FHOD3: variants seen among roughly 807,000 people sequenced by gnomAD.
FHOD3 encodes formin homology 2 domain containing 3.
FHOD3 carries 90 observed loss-of-function variants against 173.0 expected under a neutral mutation model. That is an observed-to-expected ratio of 0.52 (90% confidence interval 0.44 to 0.62). The LOEUF is 0.62. Ranked by LOEUF, FHOD3 falls within the 20% of genes least tolerant of loss-of-function variation. The pLI is 0.00. For synonymous variants in FHOD3, 828 were observed against 823.0 expected, an observed-to-expected ratio of 1.01 and a Z score of -0.10; for missense variants, 1,945 against 2,034.7, an observed-to-expected ratio of 0.96 and a Z score of 0.85.
chr18:36,487,833 C>A (rs985073661), intron 3 of FHOD3, among the ~76,000 whole-genome samples: 15 of 152,174 alleles, frequency 9.9e-5, no homozygotes, highest in Non-Finnish European at 1.5e-5. Context: ...CCAGAGGACA[C>A]ACAGCCTGGA....
At chr18:36,672,650 T>G (rs1007173838) in intron 14 of FHOD3, among the ~76,000 whole-genome samples, 1 of 152,220 alleles carries the variant, frequency 6.6e-6, no homozygotes, top group Admixed American at 6.5e-5. Context: ...CAATCACACG[T>G]TCAGCCTAGA....
chr18:36,528,548 A>C (rs1266970279), intron 5 of FHOD3, among the ~76,000 whole-genome samples: 1 of 152,184 alleles, frequency 6.6e-6, no homozygotes, highest in Non-Finnish European at 1.5e-5. Context: ...TCAAGGTGAC[A>C]ACCTGGATAC....
rs945262195 is a variant in FHOD3, at chr18:36,642,612, A to T, written c.1197-6704A>T. Among the ~76,000 whole-genome samples, 6 of 151,252 alleles carry T rather than the reference A, an allele frequency of 4.0e-5. No individual in the cohort carries two copies. The East Asian group carries it at 9.7e-4, about 24-fold the overall frequency. On this transcript the variant is annotated intron_variant, in intron 10 of 28. Transcript: ENST00000590592. ...AAAAAAAAAAAAAAAAAAAAAAATTAAAAAAATCCTAATTGTACAGAGTTG... is the reference window on the plus strand; with the variant it reads ...AAAAAAAAAAAAAAAAAAAAAAATTTAAAAAATCCTAATTGTACAGAGTTG...
At chr18:36,713,825 A>G (rs2040304381) in intron 18 of FHOD3, among the ~76,000 whole-genome samples, 1 of 152,208 alleles carries the variant, frequency 6.6e-6, no homozygotes, top group Admixed American at 6.5e-5. Flanking sequence ...AGTAACCCAT[A>G]GAAGACAAAG....
At chr18:36,524,164 C>G (rs991968733) in intron 5 of FHOD3, among the ~76,000 whole-genome samples, 3 of 151,750 alleles carry the variant, frequency 2.0e-5, no homozygotes, top group Non-Finnish European at 4.4e-5. Flanking sequence ...TGCCTATAAT[C>G]CCAGTTTCTC....
intron 3 of FHOD3, among the ~76,000 whole-genome samples, chr18:36,451,720 T>G (rs944436491): frequency 6.6e-6 from 1 of 152,116 alleles, no homozygotes; most frequent in Non-Finnish European, 1.5e-5. Flanking sequence ...TCATGCAGGA[T>G]GAAATCAGCT....
At chr18:36,512,378 G>A in intron 4 of FHOD3, 60 bp from the exon 5 acceptor site, 1 of 1,274,032 alleles carries the variant, frequency 7.8e-7, no homozygotes, top group South Asian at 1.2e-5. Flanking sequence ...TAGCAGCACA[G>A]CTGGGATGGA....
intron 3 of FHOD3, among the ~76,000 whole-genome samples, chr18:36,483,422 C>T (rs921060918): frequency 6.6e-6 from 1 of 152,196 alleles, no homozygotes; most frequent in Admixed American, 6.5e-5. Context: ...AGAAGTGGTA[C>T]TAAGATCCCA....
At chr18:36,629,774 G>A (rs138931475) in intron 10 of FHOD3, among the ~76,000 whole-genome samples, 109 of 151,990 alleles carry the variant, frequency 7.2e-4, no homozygotes, top group African/African-American at 2.6e-3. Flanking sequence ...GAGAGGGAGG[G>A]GACTATGTGA....
intron 14 of FHOD3, among the ~76,000 whole-genome samples, chr18:36,661,411 T>A (rs746260370): frequency 1.3e-5 from 2 of 152,178 alleles, no homozygotes; most frequent in African/African-American, 4.8e-5. Flanking sequence ...ACATATATTA[T>A]TAAAACCAAA....
At chr18:36,718,799 T>G (rs1450291813) in intron 19 of FHOD3, 84 bp downstream of exon 19, 1 of 1,513,092 alleles carries the variant, frequency 6.6e-7, no homozygotes, top group East Asian at 2.3e-5. Context: ...CTATTTTGCA[T>G]TGCTTTTGCT....
At chr18:36,306,148 T>C (rs185833958) in intron 1 of FHOD3, among the ~76,000 whole-genome samples, 3 of 152,322 alleles carry the variant, frequency 2.0e-5, no homozygotes, top group South Asian at 2.1e-4. Context: ...TCATGACATA[T>C]GTGCTTGCAG....
chr18:36,594,390 G>A (rs1240279169), intron 6 of FHOD3, among the ~76,000 whole-genome samples: 1 of 152,104 alleles, frequency 6.6e-6, no homozygotes, highest in African/African-American at 2.4e-5. Context: ...GCTTCTTCAC[G>A]AGAAAAATAA....
intron 19 of FHOD3, among the ~76,000 whole-genome samples, chr18:36,719,269 T>C (rs1288624455): frequency 1.3e-5 from 2 of 152,230 alleles, no homozygotes; most frequent in Non-Finnish European, 2.9e-5. Context: ...ATATTACACA[T>C]GCCTCTAGAT....
rs183861147 is a variant in FHOD3, at chr18:36,361,940, C to T, written c.272+6295C>T. Reference sequence around the variant, plus strand: ...GTTGAGAACCACTGCGTGAGAAAGACGGCATTCCTGAAAAGGCTGCAGTAA... The same window carrying T: ...GTTGAGAACCACTGCGTGAGAAAGATGGCATTCCTGAAAAGGCTGCAGTAA... On this transcript the variant is annotated intron_variant, in intron 2 of 28. Transcript: ENST00000590592. Among the ~76,000 whole-genome samples, 347 of 152,282 alleles carry T rather than the reference C, an allele frequency of 2.3e-3. 3 individuals carry two copies. In the Middle Eastern group the frequency reaches 0.041, roughly 18 times the overall value.
At chr18:36,602,593 C>T (rs1434789267) in intron 7 of FHOD3, 81 bp from the exon 8 acceptor site, 39 of 1,066,304 alleles carry the variant, frequency 3.7e-5, no homozygotes, top group Non-Finnish European at 5.7e-5. Flanking sequence ...TGGATACGTC[C>T]TTGGATAATA....
At chr18:36,599,793 C>G (rs958644231) in intron 7 of FHOD3, among the ~76,000 whole-genome samples, 1 of 152,144 alleles carries the variant, frequency 6.6e-6, no homozygotes, top group African/African-American at 2.4e-5. Flanking sequence ...CCACCAACCA[C>G]CACCATTACA....
chr18:36,587,642 T>G (rs1010180524), intron 6 of FHOD3, among the ~76,000 whole-genome samples: 2 of 152,050 alleles, frequency 1.3e-5, no homozygotes, highest in East Asian at 3.9e-4. Flanking sequence ...AAATACAAAA[T>G]TAGCTGGGCT....
chr18:36,773,691 A>T (rs2043497231), intron 28 of FHOD3, among the ~76,000 whole-genome samples: 1 of 152,086 alleles, frequency 6.6e-6, no homozygotes, highest in South Asian at 2.1e-4. Flanking sequence ...CAAGTTGCTG[A>T]TGGGAATTCG....
Sources: allele counts gnomAD v4.1 joint callset (sites outside exome capture counted in the v4.1 genomes callset), GRCh38; gene constraint gnomAD v4.1.1; transcripts MANE v1.5; gene names NCBI Gene and HGNC (gene_info 2026-07-23, HGNC 2026-07-21).